NALF1: variants seen among roughly 807,000 people sequenced by gnomAD.
NALF1 encodes NALCN channel auxiliary factor 1, also known as family with sequence similarity 155 member A.
In NALF1, 3 loss-of-function variants were observed where a neutral mutation model predicts 48.4. The observed-to-expected ratio is 0.06, with a 90% CI of 0.03 to 0.16. The LOEUF (loss-of-function observed/expected upper bound fraction) is 0.16, where lower values mean the gene tolerates loss of function less well. Among genes scored for constraint, NALF1 ranks in the 10% least tolerant of loss-of-function variants. NALF1 has a pLI of 1.00. For synonymous variants in NALF1, 262 were observed against 245.7 expected (o/e 1.07, Z -0.62); for missense variants, 526 against 571.5 (o/e 0.92, Z 0.81).
intron 1 of NALF1, among the ~76,000 whole-genome samples, chr13:107,585,377 A>G (rs1339127017): frequency 9.5e-6 from 1 of 105,778 alleles, no homozygotes; most frequent in African/African-American, 4.1e-5. Flanking sequence ...AAAATAGAAT[A>G]GAAAAAAAAA....
intron 1 of NALF1, among the ~76,000 whole-genome samples, chr13:107,253,030 T>A (rs1044415768): frequency 7.9e-5 from 12 of 152,350 alleles, no homozygotes; most frequent in African/African-American, 2.9e-4. Context: ...TATTATTTAA[T>A]GACATAGTTA....
At chr13:107,462,805 C>A (rs1884941648) in intron 1 of NALF1, among the ~76,000 whole-genome samples, 1 of 152,234 alleles carries the variant, frequency 6.6e-6, no homozygotes, top group South Asian at 2.1e-4. Context: ...TAGAATTTCA[C>A]TGGGAGACGG....
chr13:107,285,494 A>C (rs1331619263), intron 1 of NALF1, among the ~76,000 whole-genome samples: 2 of 152,210 alleles, frequency 1.3e-5, no homozygotes, highest in African/African-American at 4.8e-5. Flanking sequence ...CTCATGTTGC[A>C]CTTCCAACAA....
chr13:107,576,702 T>C (rs1462034018), intron 1 of NALF1, among the ~76,000 whole-genome samples: 1 of 152,014 alleles, frequency 6.6e-6, no homozygotes, highest in Non-Finnish European at 1.5e-5. Flanking sequence ...CCAGACAAAT[T>C]GGAAAGGCCA....
chr13:107,785,911 TAG>T (rs1027559996), intron 1 of NALF1, among the ~76,000 whole-genome samples: 82 of 152,152 alleles, frequency 5.4e-4, no homozygotes, highest in African/African-American at 2.0e-3. Context: ...AGGTTTTATT[TAG>T]AGAGAGAGAA....
intron 1 of NALF1, among the ~76,000 whole-genome samples, chr13:107,328,216 C>T (rs138068009): frequency 6.6e-5 from 10 of 151,770 alleles, no homozygotes; most frequent in African/African-American, 1.7e-4. Flanking sequence ...CAGTGCCTGG[C>T]TACTTTTCCT....
intron 1 of NALF1, among the ~76,000 whole-genome samples, chr13:107,596,347 T>A (rs1438814025): frequency 2.6e-5 from 4 of 152,120 alleles, no homozygotes; most frequent in Non-Finnish European, 5.9e-5. Flanking sequence ...TTATAAATAA[T>A]TCCACTATAA....
chr13:107,803,470 T>A (rs949158222), intron 1 of NALF1, among the ~76,000 whole-genome samples: 10 of 152,116 alleles, frequency 6.6e-5, no homozygotes, highest in African/African-American at 2.4e-4. Flanking sequence ...TTAAAAAAAA[T>A]GGCATCATAA....
At chr13:107,625,001 C>T (rs1273853476) in intron 1 of NALF1, among the ~76,000 whole-genome samples, 1 of 152,146 alleles carries the variant, frequency 6.6e-6, no homozygotes, top group East Asian at 1.9e-4. Context: ...TAACCCAAGG[C>T]TTTTTCAGCA....
At chr13:107,329,870 A>G (rs1246072181) in intron 1 of NALF1, among the ~76,000 whole-genome samples, 1 of 152,148 alleles carries the variant, frequency 6.6e-6, no homozygotes, top group African/African-American at 2.4e-5. Flanking sequence ...ACTTTTCCAG[A>G]GAAAGAAATT....
At chr13:107,213,247 A>G (rs1360428120) in intron 1 of NALF1, among the ~76,000 whole-genome samples, 4 of 145,130 alleles carry the variant, frequency 2.8e-5, no homozygotes, top group South Asian at 2.2e-4. Flanking sequence ...AAAAAAAAAA[A>G]AAAGAAAAGA....
chr13:107,503,511 T>C (rs920972837), intron 1 of NALF1, among the ~76,000 whole-genome samples: 2 of 152,082 alleles, frequency 1.3e-5, no homozygotes, highest in Non-Finnish European at 2.9e-5. Flanking sequence ...GGAACGTCAA[T>C]TGGTACAGTG....
intron 1 of NALF1, among the ~76,000 whole-genome samples, chr13:107,567,305 G>T (rs1877842033): frequency 6.6e-6 from 1 of 151,998 alleles, no homozygotes; most frequent in Non-Finnish European, 1.5e-5. Context: ...AGCAAATTTT[G>T]ACAATTTATG....
intron 1 of NALF1, among the ~76,000 whole-genome samples, chr13:107,350,393 A>C (rs1199085773): frequency 6.6e-6 from 1 of 152,258 alleles, no homozygotes; most frequent in Non-Finnish European, 1.5e-5. Context: ...TAAGTGCTTC[A>C]CATAAAAGCA....
intron 2 of NALF1, among the ~76,000 whole-genome samples, chr13:107,174,361 TTA>T (rs756895657): frequency 0.028 from 3,807 of 138,422 alleles, 64 homozygotes; most frequent in Non-Finnish European, 0.04. Context: ...ATTTATTTAT[TTA>T]TTTTTTTTTT....
chr13:107,433,281 C>A (rs1483930289), intron 1 of NALF1, among the ~76,000 whole-genome samples: 2 of 152,202 alleles, frequency 1.3e-5, no homozygotes, highest in South Asian at 4.1e-4. Context: ...GGAAGAGAGA[C>A]CAGTTGCCAT....
rs759799083 is a variant in NALF1, at chr13:107,865,831, C to T, written c.766G>A (p.Gly256Ser). ...CACTGCCTGCAAGTGGTCATCTCGC[C>T]GCCTTCCTTGAGCACCACATCCAGA... is the stretch of plus-strand genomic sequence containing the variant. ...CSLDVVLKEG[G>S]EMTTCRQCVE... Residue 256 changes from glycine (G) to serine (S), a missense_variant, in exon 1 of 3, where the codon GGC becomes AGC. By Grantham distance (56) the Gly-to-Ser change is moderately conservative. This residue lies in a region of NALF1 where 373 missense variants were observed against 355.5 expected (regional missense o/e 1.05). Transcript: ENST00000375915. 5.6e-6 allele frequency: 9 copies of T among 1,614,004 alleles called. No individual in the cohort carries two copies. The highest frequency in any genetic ancestry group is 2.7e-5 in the African/African-American group (2 of 74,900).
At position 107,523,874 on chromosome 13, in the gene NALF1, T is replaced by C. The variant is rs538624732; in HGVS notation, c.916-313119A>G. Among the ~76,000 whole-genome samples, 3 of 152,296 alleles carry C rather than the reference T, an allele frequency of 2.0e-5. No homozygotes were observed. In the East Asian group the frequency reaches 5.8e-4, roughly 29 times the overall value. ...CTAAAAAAGAAGTAATTACATGCTATGTTATAACCTCTTATTTTCATTTTA... is the reference window on the plus strand; with the variant it reads ...CTAAAAAAGAAGTAATTACATGCTACGTTATAACCTCTTATTTTCATTTTA... On this transcript the variant is annotated intron_variant, in intron 1 of 2. Coordinates refer to ENST00000375915, the MANE Select transcript of NALF1 (RefSeq NM_001080396.3).
intron 1 of NALF1, among the ~76,000 whole-genome samples, chr13:107,314,973 G>A (rs2138907704): frequency 6.6e-6 from 1 of 152,242 alleles, no homozygotes; most frequent in South Asian, 2.1e-4. Flanking sequence ...ATTTTTCTAT[G>A]AAAGTATCAA....
Sources: allele counts gnomAD v4.1 joint callset (sites outside exome capture counted in the v4.1 genomes callset), GRCh38; gene constraint gnomAD v4.1.1; regional missense constraint gnomAD v4.1.1; transcripts MANE v1.5; gene names NCBI Gene and HGNC (gene_info 2026-07-23, HGNC 2026-07-21).